The following KCNN2 variants were observed in gnomAD, a reference collection of about 807,000 sequenced individuals.
The protein encoded by KCNN2 is small conductance calcium-activated potassium channel protein 2.
Under a neutral mutation model 55.5 loss-of-function variants are expected in KCNN2, and 24 were observed. The ratio of observed to expected loss-of-function variants is 0.43; its 90% CI spans 0.31 to 0.61. The LOEUF is 0.61. Ranked by LOEUF, KCNN2 falls within the 20% of genes least tolerant of loss-of-function variation. The pLI is 0.08. For synonymous variants in KCNN2, 431 were observed against 336.1 expected (o/e 1.28, Z -3.09); for missense variants, 754 against 853.6 (o/e 0.88, Z 1.45).
intron 1 of KCNN2, among the ~76,000 whole-genome samples, chr5:114,056,906 G>C (rs886537642): frequency 2.0e-5 from 3 of 152,158 alleles, no homozygotes; most frequent in African/African-American, 7.2e-5. Context: ...GAGGGCAGAA[G>C]GTTGTGATTT....
chr5:114,244,609 G>T (rs1200669789), intron 2 of KCNN2, among the ~76,000 whole-genome samples: 1 of 150,854 alleles, frequency 6.6e-6, no homozygotes, highest in Non-Finnish European at 1.5e-5. Context: ...GGCATGGGGG[G>T]TTATTGGGGG....
intron 1 of KCNN2, among the ~76,000 whole-genome samples, chr5:114,092,515 A>T (rs1332049613): frequency 2.0e-5 from 3 of 152,008 alleles, no homozygotes; most frequent in African/African-American, 7.3e-5. Context: ...CTTCTCACAG[A>T]TCTACTAGGC....
chr5:114,150,769 C>G (rs1235043537), intron 1 of KCNN2, among the ~76,000 whole-genome samples: 1 of 152,164 alleles, frequency 6.6e-6, no homozygotes, highest in Non-Finnish European at 1.5e-5. Context: ...CACCTGGAAT[C>G]CCAGAACTTT....
chr5:114,175,864 CA>C (rs1237769060), intron 1 of KCNN2, among the ~76,000 whole-genome samples: 1 of 152,144 alleles, frequency 6.6e-6, no homozygotes, highest in Non-Finnish European at 1.5e-5. Context: ...ATTTGATATT[CA>C]TAATGTTCTA....
chr5:114,144,605 A>T (rs1482888706), intron 1 of KCNN2, among the ~76,000 whole-genome samples: 1 of 152,128 alleles, frequency 6.6e-6, no homozygotes, highest in South Asian at 2.1e-4. Flanking sequence ...TCTGACTATT[A>T]AAATGCTATG....
chr5:114,344,507 G>C (rs1366303899), intron 2 of KCNN2, among the ~76,000 whole-genome samples: 2 of 152,198 alleles, frequency 1.3e-5, no homozygotes, highest in Admixed American at 1.3e-4. Context: ...TCAGTGTCCA[G>C]AGTTGTATTG....
chr5:114,174,660 G>C (rs1470400225), intron 1 of KCNN2, among the ~76,000 whole-genome samples: 1 of 152,100 alleles, frequency 6.6e-6, no homozygotes, highest in African/African-American at 2.4e-5. Context: ...AAACCTCTGT[G>C]TTTGGCATAC....
intron 1 of KCNN2, among the ~76,000 whole-genome samples, chr5:114,130,162 T>A (rs1417444917): frequency 6.6e-6 from 1 of 152,260 alleles, no homozygotes; most frequent in Non-Finnish European, 1.5e-5. Context: ...TAGAGTTTAA[T>A]AAATATATTC....
At chr5:114,332,505 A>T (rs1234554836) in intron 2 of KCNN2, among the ~76,000 whole-genome samples, 1 of 152,242 alleles carries the variant, frequency 6.6e-6, no homozygotes, top group Non-Finnish European at 1.5e-5. Flanking sequence ...GGAATAGATT[A>T]TGAACTGGCT....
In KCNN2 at chr5:114,363,959, C is replaced by G. The variant is rs201419544; in HGVS notation, c.1176C>G (p.Ile392Met). 1.2e-6 allele frequency: 2 copies of G among 1,614,106 alleles called. No individual in the cohort carries two copies. The highest frequency in any genetic ancestry group is 1.7e-6 in the Non-Finnish European group (2 of 1,179,954). The change falls in exon 2 of 8, where the codon ATC (isoleucine) becomes ATG (methionine). Residue 392 changes from isoleucine to methionine, a missense_variant. By Grantham distance (10) the Ile-to-Met change is conservative. This residue lies in a region of KCNN2 where 123 missense variants were observed against 204.9 expected (regional missense o/e 0.60). Coordinates refer to ENST00000673685, the MANE Select transcript of KCNN2 (RefSeq NM_021614.4). ...LKCLISLSTIILLGLIIVYHA... is the reference protein window; with the variant it reads ...LKCLISLSTIMLLGLIIVYHA... ...GCCTTATCAGTCTCTCCACGATCAT[C>G]CTGCTCGGTCTGATCATCGTGTACC... is the stretch of plus-strand genomic sequence containing the variant.
intron 1 of KCNN2, among the ~76,000 whole-genome samples, chr5:114,128,303 G>C (rs1751981665): frequency 6.6e-6 from 1 of 152,112 alleles, no homozygotes; most frequent in African/African-American, 2.4e-5. Flanking sequence ...TGATGAAAGG[G>C]GAAGTAAATA....
At chr5:114,173,312 A>C (rs114285651) in intron 1 of KCNN2, among the ~76,000 whole-genome samples, 1 of 151,972 alleles carries the variant, frequency 6.6e-6, no homozygotes, top group African/African-American at 2.4e-5. Flanking sequence ...TGACAGTGCC[A>C]TGCTGTTTTG....
At chr5:114,160,896 G>A (rs1375858560) in intron 1 of KCNN2, among the ~76,000 whole-genome samples, 4 of 152,058 alleles carry the variant, frequency 2.6e-5, no homozygotes, top group Non-Finnish European at 4.4e-5. Flanking sequence ...GCCTATGTGT[G>A]TCTCTGCACG....
intron 2 of KCNN2, among the ~76,000 whole-genome samples, chr5:114,304,884 A>C (rs1373440429): frequency 1.3e-5 from 2 of 152,196 alleles, no homozygotes; most frequent in Non-Finnish European, 2.9e-5. Context: ...TTGAGTGTTA[A>C]GGGTTTTGAG....
At chr5:114,369,135 C>G (rs1201609982) in intron 2 of KCNN2, among the ~76,000 whole-genome samples, 5 of 152,104 alleles carry the variant, frequency 3.3e-5, no homozygotes, top group Non-Finnish European at 5.9e-5. Context: ...CTAGAAAGGC[C>G]GTCAGAGTTT....
intron 2 of KCNN2, among the ~76,000 whole-genome samples, chr5:114,380,901 T>A (rs1285339579): frequency 6.6e-6 from 1 of 152,184 alleles, no homozygotes; most frequent in Non-Finnish European, 1.5e-5. Context: ...GGGGCAGGCA[T>A]CATGTTTGAT....
intron 2 of KCNN2, among the ~76,000 whole-genome samples, chr5:114,244,046 A>T (rs1046573122): frequency 2.6e-5 from 4 of 152,176 alleles, no homozygotes; most frequent in Non-Finnish European, 4.4e-5. Flanking sequence ...AATCTCAGCA[A>T]CTGGTTTACT....
intron 1 of KCNN2, among the ~76,000 whole-genome samples, chr5:114,087,295 T>C (rs1339004958): frequency 6.6e-6 from 1 of 152,192 alleles, no homozygotes; most frequent in Non-Finnish European, 1.5e-5. Flanking sequence ...ATCCCACTTG[T>C]CAATTTTTGT....
At chr5:114,173,638 C>T (rs1197613298) in intron 1 of KCNN2, among the ~76,000 whole-genome samples, 2 of 151,718 alleles carry the variant, frequency 1.3e-5, no homozygotes, top group African/African-American at 4.8e-5. Flanking sequence ...GAATATCTTT[C>T]CATTTTTTGG....
Sources: gnomAD v4.1 joint callset for allele counts (sites outside exome capture counted in the v4.1 genomes callset) on GRCh38, gnomAD v4.1.1 for gene constraint, gnomAD v4.1.1 regional missense constraint, MANE v1.5 for transcripts, NCBI Gene and HGNC (gene_info 2026-07-23, HGNC 2026-07-21) for gene names.